The following SNX24 variants were observed in gnomAD, a reference collection of about 807,000 sequenced individuals.
SNX24 encodes the protein sorting nexin 24.
Under a neutral mutation model 28.7 loss-of-function variants are expected in SNX24, and 22 were observed. The ratio of observed to expected loss-of-function variants is 0.77; its 90% CI spans 0.55 to 1.10. SNX24 has a LOEUF of 1.10. Ranked by LOEUF, SNX24 falls within the 50% of genes least tolerant of loss-of-function variation. SNX24 has a pLI of 0.00. For missense variants in SNX24, 221 were observed against 201.1 expected (o/e 1.10, Z -0.60); for synonymous variants, 69 against 71.5 (o/e 0.96, Z 0.18).
chr5:122,874,528 G>A (rs1336991339), intron 1 of SNX24, among the ~76,000 whole-genome samples: 1 of 152,224 alleles, frequency 6.6e-6, no homozygotes, highest in African/African-American at 2.4e-5. Flanking sequence ...AGGTGGGATT[G>A]TTCAAGTAGG....
Position 122,847,502 on chromosome 5 carries a change from C to CTTTTTTTTTTTT in SNX24, c.60+1820_60+1821insTTTTTTTTTTTT, listed in dbSNP as rs1183386656. Among the ~76,000 whole-genome samples, 25 of 130,788 alleles carry CTTTTTTTTTTTT rather than the reference C, an allele frequency of 1.9e-4. 3 individuals carry two copies. Among genetic ancestry groups the CTTTTTTTTTTTT allele is most frequent in the South Asian group, 4.7e-4 (2 of 4,222 alleles). The allele number at this position is 130,788 out of a possible 152,430, so 85.8% of individuals were successfully genotyped here. A position where few individuals can be genotyped will look rare whatever the true frequency, so the allele number is the denominator to read the frequency against. ...CTAAACTGTTAAAATCTCTCTCTCT[C>CTTTTTTTTTTTT]TTTTTTTTTTTGAGACAGTCTTCCT... On this transcript the variant is annotated intron_variant, in intron 1 of 6. Coordinates refer to ENST00000261369, the MANE Select transcript of SNX24 (RefSeq NM_014035.4).
At chr5:122,954,634 C>T (rs1349072915) in intron 3 of SNX24, among the ~76,000 whole-genome samples, 3 of 151,898 alleles carry the variant, frequency 2.0e-5, no homozygotes, top group South Asian at 2.1e-4. Context: ...ACTCTGTTTA[C>T]GCTAGATATA....
At chr5:122,886,807 C>T (rs537807627) in intron 1 of SNX24, among the ~76,000 whole-genome samples, 45 of 151,792 alleles carry the variant, frequency 3.0e-4, no homozygotes, top group Middle Eastern at 3.4e-3. Flanking sequence ...TCCAGCCTGG[C>T]CAACAGAGCG....
chr5:123,018,118 A>AT (rs1762711791), intron 5 of SNX24, among the ~76,000 whole-genome samples: 1 of 151,922 alleles, frequency 6.6e-6, no homozygotes, highest in East Asian at 1.9e-4. Context: ...GCTTCCCAAA[A>AT]GAGCCCCACA....
At chr5:122,988,615 G>A (rs1359656400) in intron 3 of SNX24, among the ~76,000 whole-genome samples, 5 of 152,122 alleles carry the variant, frequency 3.3e-5, no homozygotes, top group African/African-American at 1.2e-4. Flanking sequence ...TTCTACAATG[G>A]TTTGGCCATT....
chr5:122,994,095 T>C (rs1283486558), intron 3 of SNX24, among the ~76,000 whole-genome samples: 2 of 152,026 alleles, frequency 1.3e-5, no homozygotes, highest in Non-Finnish European at 2.9e-5. Context: ...AATAAAAGGA[T>C]CAAATCAGTG....
In SNX24 at chr5:122,924,416, C is replaced by G. The variant is rs1758582014; in HGVS notation, c.61-12318C>G. Among the ~76,000 whole-genome samples, 3 of 152,124 alleles carry G rather than the reference C, an allele frequency of 2.0e-5. No homozygotes were observed. In the South Asian group the frequency reaches 6.2e-4, roughly 32 times the overall value. On this transcript the variant is annotated intron_variant, in intron 1 of 6. Transcript: ENST00000261369. ...GTTAAGTGACTAATGGGTGGGGGTGCAGACATCGTAAAGCTGCCAGAAAAA... is the reference window on the plus strand; with the variant it reads ...GTTAAGTGACTAATGGGTGGGGGTGGAGACATCGTAAAGCTGCCAGAAAAA...
At chr5:123,012,031 G>A (rs401226), downstream of SNX24, among the ~76,000 whole-genome samples, 35,205 of 152,052 alleles carry the variant, frequency 0.23, 5,211 homozygotes, top group Non-Finnish European at 0.34. Flanking sequence ...GTGAGTGCTC[G>A]TGAGATCTGA....
intron 1 of SNX24, among the ~76,000 whole-genome samples, chr5:122,917,193 G>A (rs1298966173): frequency 3.3e-5 from 5 of 150,886 alleles, no homozygotes; most frequent in Admixed American, 1.3e-4. Flanking sequence ...GGAGGTGGAG[G>A]TTGCAGTGAG....
intron 5 of SNX24, 61 bp from the exon 6 acceptor site, chr5:123,001,879 G>A: frequency 7.2e-7 from 1 of 1,390,062 alleles, no homozygotes; most frequent in Non-Finnish European, 1.0e-6. Context: ...AAGCTAGTTT[G>A]TAGTGTTTTC....
At chr5:123,019,030 G>A (rs146897117) in intron 5 of SNX24, among the ~76,000 whole-genome samples, 70 of 152,276 alleles carry the variant, frequency 4.6e-4, no homozygotes, top group African/African-American at 1.5e-3. Flanking sequence ...CTATTTGTCA[G>A]TTGGTCTTTT....
intron 3 of SNX24, among the ~76,000 whole-genome samples, chr5:122,959,980 A>G (rs1298923966): frequency 6.6e-6 from 1 of 152,134 alleles, no homozygotes; most frequent in East Asian, 1.9e-4. Flanking sequence ...CCTGTTGTTT[A>G]AGAAAACATT....
At chr5:122,895,211 A>G (rs1464911006) in intron 1 of SNX24, among the ~76,000 whole-genome samples, 1 of 152,072 alleles carries the variant, frequency 6.6e-6, no homozygotes, top group East Asian at 1.9e-4. Context: ...TGTATTAATA[A>G]TAGAAAAGTT....
chr5:122,951,649 C>T (rs1759948078), intron 3 of SNX24, among the ~76,000 whole-genome samples: 1 of 152,200 alleles, frequency 6.6e-6, no homozygotes, highest in Non-Finnish European at 1.5e-5. Flanking sequence ...AATGAATAAA[C>T]TCCAACAGTT....
At position 122,850,475 on chromosome 5, in the gene SNX24, T is replaced by G. The variant is rs893387324; in HGVS notation, c.60+4782T>G. 2.0e-5 allele frequency among the ~76,000 whole-genome samples: 3 copies of G among 152,264 alleles called. No homozygotes were observed. In the East Asian group the frequency reaches 5.8e-4, roughly 29 times the overall value. Reference sequence around the variant, plus strand: ...AGACTGTAGCGATGATTCTGGAGTATTCATCATTTAAGAGACACTTAAAAA... The same window carrying G: ...AGACTGTAGCGATGATTCTGGAGTAGTCATCATTTAAGAGACACTTAAAAA... On this transcript the variant is annotated intron_variant, in intron 1 of 6. Coordinates refer to ENST00000261369, the MANE Select transcript of SNX24 (RefSeq NM_014035.4).
intron 1 of SNX24, among the ~76,000 whole-genome samples, chr5:122,847,344 G>C (rs1270212931): frequency 6.6e-6 from 1 of 152,006 alleles, no homozygotes; most frequent in Non-Finnish European, 1.5e-5. Flanking sequence ...CACACTCCAG[G>C]TTGTGAATTA....
intron 1 of SNX24, among the ~76,000 whole-genome samples, chr5:122,857,412 CT>C (rs35468905): frequency 0.029 from 4,178 of 145,446 alleles, 70 homozygotes; most frequent in Non-Finnish European, 0.04. Context: ...TATTTGTTAA[CT>C]TTTTTTTTTT....
At chr5:122,979,379 G>GTTAA (rs1193083573) in intron 3 of SNX24, among the ~76,000 whole-genome samples, 4 of 152,176 alleles carry the variant, frequency 2.6e-5, no homozygotes, top group African/African-American at 9.7e-5. Flanking sequence ...TGCTTCCATA[G>GTTAA]TTAAGGAGCA....
intron 1 of SNX24, among the ~76,000 whole-genome samples, chr5:122,891,468 G>A (rs567326298): frequency 2.6e-5 from 4 of 152,060 alleles, no homozygotes; most frequent in East Asian, 3.9e-4. Flanking sequence ...TAAAATGGGG[G>A]AGTTTTATTT....
Sources: allele counts gnomAD v4.1 joint callset (sites outside exome capture counted in the v4.1 genomes callset), GRCh38; gene constraint gnomAD v4.1.1; transcripts MANE v1.5; gene names NCBI Gene and HGNC (gene_info 2026-07-23, HGNC 2026-07-21).